ATRNL1: variants seen among roughly 807,000 people sequenced by gnomAD.
ATRNL1 encodes attractin like 1, also known as attractin-like protein 1.
In ATRNL1, 95 loss-of-function variants were observed where a neutral mutation model predicts 182.7. The observed-to-expected ratio is 0.52, with a 90% confidence interval of 0.44 to 0.62. The LOEUF (loss-of-function observed/expected upper bound fraction) is 0.62. Ranked by LOEUF, ATRNL1 falls within the 20% of genes least tolerant of loss-of-function variation. ATRNL1 has a pLI of 0.00. For missense variants in ATRNL1, 1,471 were observed against 1,679.5 expected (o/e 0.88, Z 2.17); for synonymous variants, 576 against 568.3 (o/e 1.01, Z -0.19).
intron 27 of ATRNL1, among the ~76,000 whole-genome samples, chr10:115,731,517 A>G (rs868954003): frequency 2.6e-5 from 4 of 151,980 alleles, no homozygotes; most frequent in South Asian, 4.1e-4. Context: ...AAAAATAATT[A>G]CATGTAAATT....
At chr10:115,207,198 A>G (rs1207928542) in intron 8 of ATRNL1, among the ~76,000 whole-genome samples, 1 of 152,170 alleles carries the variant, frequency 6.6e-6, no homozygotes, top group African/African-American at 2.4e-5. Context: ...CTTTGGGTAT[A>G]TACCCAGTAA....
At chr10:115,188,687 T>A (rs978437147) in intron 8 of ATRNL1, among the ~76,000 whole-genome samples, 3 of 151,900 alleles carry the variant, frequency 2.0e-5, no homozygotes, top group Non-Finnish European at 4.4e-5. Flanking sequence ...GGTATTTTTT[T>A]AATATAAATT....
At chr10:115,505,908 C>A (rs1250859156) in intron 24 of ATRNL1, among the ~76,000 whole-genome samples, 1 of 150,580 alleles carries the variant, frequency 6.6e-6, no homozygotes, top group Non-Finnish European at 1.5e-5. Context: ...AGTATCAAAC[C>A]AGAAAGGGCT....
At chr10:115,429,307 A>G (rs1468816840) in intron 21 of ATRNL1, among the ~76,000 whole-genome samples, 4 of 152,070 alleles carry the variant, frequency 2.6e-5, no homozygotes, top group African/African-American at 9.7e-5. Context: ...CTGTTTGTAG[A>G]TTTGCTTGGA....
At chr10:115,703,233 A>G (rs546914481) in intron 26 of ATRNL1, among the ~76,000 whole-genome samples, 1 of 152,044 alleles carries the variant, frequency 6.6e-6, no homozygotes, top group South Asian at 2.1e-4. Flanking sequence ...CTGGACCCCT[A>G]CCTTTCACCA....
intron 10 of ATRNL1, among the ~76,000 whole-genome samples, chr10:115,248,978 T>C (rs1211711109): frequency 1.3e-5 from 2 of 152,162 alleles, no homozygotes; most frequent in African/African-American, 4.8e-5. Flanking sequence ...GACTAACTTA[T>C]GAATTGGCAT....
intron 24 of ATRNL1, among the ~76,000 whole-genome samples, chr10:115,497,411 T>C (rs1401930224): frequency 1.3e-5 from 2 of 152,304 alleles, no homozygotes; most frequent in East Asian, 1.9e-4. Flanking sequence ...CACTCACTTA[T>C]CATTTCCCCA....
At chr10:115,661,349 A>G (rs1860671274) in intron 26 of ATRNL1, among the ~76,000 whole-genome samples, 1 of 152,160 alleles carries the variant, frequency 6.6e-6, no homozygotes, top group Non-Finnish European at 1.5e-5. Context: ...TTGAATTAGT[A>G]CTAAGTGCCA....
At chr10:115,704,869 A>G (rs1238637112) in intron 26 of ATRNL1, among the ~76,000 whole-genome samples, 7 of 150,888 alleles carry the variant, frequency 4.6e-5, no homozygotes, top group African/African-American at 9.7e-5. Flanking sequence ...TTCTTCTTCT[A>G]TCTCTTTCTC....
At chr10:115,893,398 G>A (rs907896556) in intron 28 of ATRNL1, among the ~76,000 whole-genome samples, 9 of 152,264 alleles carry the variant, frequency 5.9e-5, no homozygotes, top group Middle Eastern at 3.4e-3. Context: ...GCAAGGTTTC[G>A]GATTTGCAAT....
chr10:115,270,550 C>T (rs1053000122), intron 13 of ATRNL1, among the ~76,000 whole-genome samples: 2 of 151,442 alleles, frequency 1.3e-5, no homozygotes, highest in East Asian at 1.9e-4. Context: ...ACTGAAGACC[C>T]AGGAAAGTTG....
At chr10:115,774,957 A>G (rs1050082004) in intron 27 of ATRNL1, among the ~76,000 whole-genome samples, 1 of 152,108 alleles carries the variant, frequency 6.6e-6, no homozygotes, top group Non-Finnish European at 1.5e-5. Context: ...AAGAATGACT[A>G]TTGTGACGTT....
chr10:115,913,648 T>C (rs1555116479), intron 28 of ATRNL1, among the ~76,000 whole-genome samples: 4 of 152,214 alleles, frequency 2.6e-5, no homozygotes. Flanking sequence ...AGCTTCCAGT[T>C]ACACAATGCT....
At chr10:115,921,727 G>A (rs1953069404) in intron 28 of ATRNL1, among the ~76,000 whole-genome samples, 1 of 152,286 alleles carries the variant, frequency 6.6e-6, no homozygotes, top group East Asian at 1.9e-4. Flanking sequence ...TACCATGTTA[G>A]TCACTTTCAC....
At chr10:115,748,181 T>A (rs1565344088) in intron 27 of ATRNL1, among the ~76,000 whole-genome samples, 1 of 151,936 alleles carries the variant, frequency 6.6e-6, no homozygotes, top group South Asian at 2.1e-4. Context: ...ATTGCTTTTC[T>A]GATATTATTT....
chr10:115,865,683 A>G (rs1023417312), intron 28 of ATRNL1, among the ~76,000 whole-genome samples: 1 of 152,124 alleles, frequency 6.6e-6, no homozygotes, highest in Non-Finnish European at 1.5e-5. Context: ...CACATTTTTT[A>G]TTTTAAGATT....
At chr10:115,425,488 T>C (rs182182338) in intron 20 of ATRNL1, among the ~76,000 whole-genome samples, 201 of 152,164 alleles carry the variant, frequency 1.3e-3, no homozygotes, top group African/African-American at 4.5e-3. Context: ...TTAGACATTG[T>C]CAATTTTATT....
chr10:115,932,667 T>C (rs1322847589), intron 28 of ATRNL1, among the ~76,000 whole-genome samples: 1 of 152,148 alleles, frequency 6.6e-6, no homozygotes, highest in African/African-American at 2.4e-5. Context: ...AACAATATTT[T>C]GACTTTGCAG....
At chr10:115,543,230 C>A (rs10787577) in intron 25 of ATRNL1, among the ~76,000 whole-genome samples, 107,750 of 152,110 alleles carry the variant, frequency 0.71, 39,385 homozygotes, top group African/African-American at 0.82. Flanking sequence ...TTATTCTATG[C>A]GTGTATTATT....
Sources: allele counts gnomAD v4.1 joint callset (sites outside exome capture counted in the v4.1 genomes callset), GRCh38; gene constraint gnomAD v4.1.1; transcripts MANE v1.5; gene names NCBI Gene and HGNC (gene_info 2026-07-23, HGNC 2026-07-21).